Variants in LDAH observed in about 807,000 individuals in gnomAD.
LDAH encodes lipid droplet associated hydrolase, also known as lipid droplet-associated hydrolase.
In LDAH, 26 loss-of-function variants were observed where a neutral mutation model predicts 29.6. That is an observed-to-expected ratio of 0.88 (90% CI 0.64 to 1.22). LDAH has a LOEUF of 1.22. Among genes scored for constraint, LDAH ranks in the 50% most tolerant of loss-of-function variants. The pLI, the probability that LDAH is intolerant of heterozygous loss-of-function variation, is 0.00. For missense variants in LDAH, 344 were observed against 387.3 expected (o/e 0.89, Z 0.94); for synonymous variants, 117 against 133.0 (o/e 0.88, Z 0.83).
chr2:20,787,752 A>C (rs1302586614), intron 3 of LDAH, among the ~76,000 whole-genome samples: 1 of 152,202 alleles, frequency 6.6e-6, no homozygotes, highest in African/African-American at 2.4e-5. Flanking sequence ...ACAGGTAATA[A>C]GCAAATAAAT....
chr2:20,822,599 G>A (rs1230122969), intron 1 of LDAH, among the ~76,000 whole-genome samples: 3 of 152,174 alleles, frequency 2.0e-5, no homozygotes, highest in Non-Finnish European at 4.4e-5. Context: ...AAGGATGAGG[G>A]TTTACGGTTA....
At chr2:20,803,957 T>C (rs1438607475) in intron 1 of LDAH, among the ~76,000 whole-genome samples, 2 of 152,200 alleles carry the variant, frequency 1.3e-5, no homozygotes, top group Non-Finnish European at 2.9e-5. Flanking sequence ...TGTGCAAATT[T>C]TTCTTTATAA....
intron 5 of LDAH, among the ~76,000 whole-genome samples, chr2:20,706,984 A>G (rs1260385662): frequency 6.6e-6 from 1 of 152,120 alleles, no homozygotes; most frequent in East Asian, 1.9e-4. Flanking sequence ...TGTCGGGGAG[A>G]GGCTGCCCCT....
intron 5 of LDAH, among the ~76,000 whole-genome samples, chr2:20,727,063 A>G (rs1666069451): frequency 6.6e-6 from 1 of 152,220 alleles, no homozygotes; most frequent in African/African-American, 2.4e-5. Flanking sequence ...ATTTTAGGTT[A>G]TACTTGCATG....
chr2:20,740,899 TG>T (rs1290681902), intron 4 of LDAH, among the ~76,000 whole-genome samples: 5 of 152,184 alleles, frequency 3.3e-5, no homozygotes, highest in African/African-American at 1.2e-4. Flanking sequence ...GAATGAGAGG[TG>T]CTCCATATCC....
intron 1 of LDAH, among the ~76,000 whole-genome samples, chr2:20,816,855 T>C (rs1413397157): frequency 6.6e-6 from 1 of 151,948 alleles, no homozygotes; most frequent in Non-Finnish European, 1.5e-5. Context: ...TTAAAAATTA[T>C]ACAGCTTATG....
intron 5 of LDAH, among the ~76,000 whole-genome samples, chr2:20,738,757 G>GA (rs1666979356): frequency 8.0e-6 from 1 of 125,564 alleles, no homozygotes; most frequent in South Asian, 3.7e-4. Context: ...AATGGAAGGG[G>GA]GAAAAAATCT....
intron 4 of LDAH, among the ~76,000 whole-genome samples, chr2:20,752,196 C>A (rs1312655073): frequency 1.7e-5 from 2 of 120,002 alleles, no homozygotes; most frequent in Non-Finnish European, 3.4e-5. Context: ...CTGGTCAAGA[C>A]AGTAGTATTT....
At position 20,685,753 on chromosome 2, in the gene LDAH, T is replaced by A; in HGVS notation, c.*1150A>T. 7.0e-7 allele frequency: 1 copy of A among 1,424,888 alleles called. No individual in the cohort carries two copies. The highest frequency in any genetic ancestry group is 9.4e-7 in the Non-Finnish European group (1 of 1,066,100). The allele number at this position is 1,424,888 out of a possible 1,614,324, so 88.3% of individuals were successfully genotyped here. ...CAATTTAGGGGAGGCAGCAATATTG[T>A]CAGCCCACTCTAGGCCAGGGAATAT... On this transcript the variant is annotated 3_prime_UTR_variant, in exon 7 of 7. Transcript: ENST00000237822.
At chr2:20,724,808 C>T (rs1275970341) in intron 5 of LDAH, among the ~76,000 whole-genome samples, 2 of 152,198 alleles carry the variant, frequency 1.3e-5, no homozygotes, top group African/African-American at 4.8e-5. Flanking sequence ...TGCAAGGTGG[C>T]AAGCCAAGTT....
At chr2:20,728,736 C>T (rs1666194188) in intron 5 of LDAH, among the ~76,000 whole-genome samples, 1 of 151,820 alleles carries the variant, frequency 6.6e-6, no homozygotes, top group Non-Finnish European at 1.5e-5. Flanking sequence ...ACCAATAACC[C>T]AAAGAAGAAA....
intron 1 of LDAH, among the ~76,000 whole-genome samples, chr2:20,822,621 G>A (rs1460482913): frequency 1.3e-5 from 2 of 152,176 alleles, no homozygotes; most frequent in Admixed American, 6.5e-5. Flanking sequence ...GGTCTTCAGC[G>A]TGAATAAAAG....
At chr2:20,733,527 C>A (rs1332067418) in intron 5 of LDAH, among the ~76,000 whole-genome samples, 1 of 151,504 alleles carries the variant, frequency 6.6e-6, no homozygotes, top group Non-Finnish European at 1.5e-5. Context: ...AGTCCCCCAA[C>A]TAGCTAGGAC....
At chr2:20,719,171 GAAAT>G (rs1042709541) in intron 5 of LDAH, among the ~76,000 whole-genome samples, 4 of 123,814 alleles carry the variant, frequency 3.2e-5, no homozygotes, top group Non-Finnish European at 7.0e-5. Flanking sequence ...GATCAGAACA[GAAAT>G]AAATAAAATG....
chr2:20,750,119 G>C (rs1667870471), intron 4 of LDAH, among the ~76,000 whole-genome samples: 1 of 149,324 alleles, frequency 6.7e-6, no homozygotes, highest in African/African-American at 2.5e-5. Flanking sequence ...ACCACCTCCT[G>C]GGTTCAGGCA....
intron 2 of LDAH, among the ~76,000 whole-genome samples, chr2:20,799,932 C>T (rs766949773): frequency 1.3e-5 from 2 of 151,906 alleles, no homozygotes; most frequent in African/African-American, 2.4e-5. Flanking sequence ...CATGAAGAGG[C>T]GAAAAACATG....
intron 5 of LDAH, among the ~76,000 whole-genome samples, chr2:20,722,800 A>G (rs553031515): frequency 3.3e-5 from 5 of 152,360 alleles, no homozygotes; most frequent in East Asian, 3.9e-4. Flanking sequence ...TATACCTACT[A>G]GATTGACCCA....
intron 4 of LDAH, among the ~76,000 whole-genome samples, chr2:20,767,414 C>T (rs1009654082): frequency 3.3e-5 from 5 of 152,206 alleles, no homozygotes; most frequent in African/African-American, 7.2e-5. Flanking sequence ...TGTCACAGCC[C>T]GGCTGGGTGT....
At chr2:20,737,438 G>A (rs1666867780) in intron 5 of LDAH, among the ~76,000 whole-genome samples, 1 of 152,138 alleles carries the variant, frequency 6.6e-6, no homozygotes, top group Non-Finnish European at 1.5e-5. Context: ...CAAGGGGCTG[G>A]GAGAGACAAA....
Sources: allele counts gnomAD v4.1 joint callset (sites outside exome capture counted in the v4.1 genomes callset), GRCh38; gene constraint gnomAD v4.1.1; transcripts MANE v1.5; gene names NCBI Gene and HGNC (gene_info 2026-07-23, HGNC 2026-07-21).